The following GPHN variants were observed in gnomAD, a reference collection of about 807,000 sequenced individuals.
GPHN encodes gephyrin.
Under a neutral mutation model 95.5 loss-of-function variants are expected in GPHN, and 17 were observed. That is an observed-to-expected ratio of 0.18 (90% CI 0.12 to 0.27). The LOEUF (loss-of-function observed/expected upper bound fraction) is 0.27. Ranked by LOEUF, GPHN falls within the 10% of genes least tolerant of loss-of-function variation. GPHN has a pLI of 1.00. For missense variants in GPHN, 660 were observed against 978.1 expected (o/e 0.67, Z 4.34); for synonymous variants, 320 against 322.5 (o/e 0.99, Z 0.08).
chr14:67,369,042 C>T, the GPHN span, among the ~76,000 whole-genome samples: 6 of 152,136 alleles, frequency 3.9e-5, no homozygotes, highest in African/African-American at 7.2e-5. Context: ...CAACTGAATT[C>T]ATTTATATCA....
At chr14:67,477,347 A>C in the GPHN span, among the ~76,000 whole-genome samples, 8 of 152,078 alleles carry the variant, frequency 5.3e-5, no homozygotes, top group Non-Finnish European at 4.4e-5. Flanking sequence ...TCATTCTGTT[A>C]GGCGTGCCTT....
chr14:66,592,471 C>G (rs12399879), intron 1 of GPHN, among the ~76,000 whole-genome samples: 2 of 75,854 alleles, frequency 2.6e-5, no homozygotes, highest in African/African-American at 3.8e-4. Flanking sequence ...AAAAAAAAAA[C>G]CCCGTCAAGA....
At chr14:66,656,584 T>C (rs1438316496) in intron 1 of GPHN, among the ~76,000 whole-genome samples, 1 of 152,206 alleles carries the variant, frequency 6.6e-6, no homozygotes, top group Admixed American at 6.5e-5. Context: ...GTGCCATTTT[T>C]TCAACAGCAT....
intron 10 of GPHN, among the ~76,000 whole-genome samples, chr14:67,035,819 A>G (rs1010824072): frequency 6.6e-6 from 1 of 151,980 alleles, no homozygotes; most frequent in Non-Finnish European, 1.5e-5. Context: ...AGAGAATTCT[A>G]CCAAGCATTT....
the GPHN span, among the ~76,000 whole-genome samples, chr14:67,433,109 A>G: frequency 6.6e-6 from 1 of 152,078 alleles, no homozygotes; most frequent in Non-Finnish European, 1.5e-5. Flanking sequence ...CTCTTCCTTA[A>G]CCAGCCATGT....
chr14:66,727,235 C>A (rs372188845), intron 2 of GPHN, among the ~76,000 whole-genome samples: 1 of 151,986 alleles, frequency 6.6e-6, no homozygotes, highest in African/African-American at 2.4e-5. Flanking sequence ...TCCCCAGCCA[C>A]GTGGAACTCT....
chr14:67,473,311 G>T, the GPHN span: 1 of 1,470,032 alleles, frequency 6.8e-7, no homozygotes, highest in Non-Finnish European at 9.2e-7. This position sits in a 1 kb window ranked among gnomAD's most constrained non-coding sequence, Gnocchi z 6.5. Flanking sequence ...TAGGGCTGAG[G>T]CTTGGCCGGA....
At chr14:67,191,973 A>G in the GPHN span, among the ~76,000 whole-genome samples, 1 of 152,344 alleles carries the variant, frequency 6.6e-6, no homozygotes, top group Non-Finnish European at 1.5e-5. Context: ...TTGAAAAACA[A>G]GAGAAAGGAT....
chr14:67,562,574 G>T, the GPHN span: 2 of 1,612,634 alleles, frequency 1.2e-6, no homozygotes, highest in African/African-American at 1.3e-5. Flanking sequence ...CCTACCAAAG[G>T]TGCGGGCTCC....
At chr14:66,563,922 C>A (rs1266183076) in intron 1 of GPHN, among the ~76,000 whole-genome samples, 1 of 152,154 alleles carries the variant, frequency 6.6e-6, no homozygotes, top group Non-Finnish European at 1.5e-5. Context: ...AATTCATAGA[C>A]CATAGCAAGT....
At chr14:67,620,240 G>A in the GPHN span, 2 of 510,758 alleles carry the variant, frequency 3.9e-6, no homozygotes, top group South Asian at 2.2e-5. Context: ...ACTGGGCACC[G>A]TGGGAGCATG....
intron 5 of GPHN, among the ~76,000 whole-genome samples, chr14:66,889,421 A>G (rs557165537): frequency 6.6e-6 from 1 of 152,220 alleles, no homozygotes; most frequent in South Asian, 2.1e-4. Context: ...TCTTCAAAGC[A>G]TATTCTCCAA....
At chr14:66,564,540 A>G (rs1360547444) in intron 1 of GPHN, among the ~76,000 whole-genome samples, 2 of 152,190 alleles carry the variant, frequency 1.3e-5, no homozygotes, top group South Asian at 2.1e-4. Flanking sequence ...CCTAAATCCT[A>G]AAACTAGCCA....
At chr14:67,729,357 G>C in the GPHN span, 3 of 1,597,886 alleles carry the variant, frequency 1.9e-6, no homozygotes, top group Non-Finnish European at 2.5e-6. Context: ...AGGGCCTGGA[G>C]CCCCTGAGTG....
the GPHN span, among the ~76,000 whole-genome samples, chr14:67,240,038 G>T: frequency 6.6e-6 from 1 of 152,122 alleles, no homozygotes; most frequent in Non-Finnish European, 1.5e-5. Context: ...AAGACAGTTC[G>T]GTTGTGTCGT....
chr14:67,075,781 G>T (rs1015042809), intron 11 of GPHN, among the ~76,000 whole-genome samples: 2 of 152,188 alleles, frequency 1.3e-5, no homozygotes, highest in African/African-American at 4.8e-5. Context: ...ACCTGAAGAT[G>T]TGACTGAATT....
At chr14:67,082,117 CT>C (rs936227736) in intron 11 of GPHN, among the ~76,000 whole-genome samples, 1 of 151,912 alleles carries the variant, frequency 6.6e-6, no homozygotes, top group African/African-American at 2.4e-5. Context: ...TTAGGATTGT[CT>C]TTTCTAGTTC....
chr14:66,634,530 G>A (rs1437783237), intron 1 of GPHN, among the ~76,000 whole-genome samples: 2 of 152,012 alleles, frequency 1.3e-5, no homozygotes, highest in African/African-American at 4.8e-5. Flanking sequence ...GTGTGTCCTG[G>A]GTGAGCCAAT....
At chr14:66,895,708 A>G (rs1331241443) in intron 5 of GPHN, among the ~76,000 whole-genome samples, 6 of 152,166 alleles carry the variant, frequency 3.9e-5, no homozygotes, top group Admixed American at 3.3e-4. Flanking sequence ...TCATTTTCCT[A>G]CAAACAGAAA....
Sources: allele counts gnomAD v4.1 joint callset (sites outside exome capture counted in the v4.1 genomes callset), GRCh38; gene constraint gnomAD v4.1.1; non-coding constraint Gnocchi (gnomAD v3.1); transcripts MANE v1.5; gene names NCBI Gene and HGNC (gene_info 2026-07-23, HGNC 2026-07-21).